The following ARHGAP24 variants were observed in gnomAD, a reference collection of about 807,000 sequenced individuals.
ARHGAP24 encodes the protein Rho GTPase activating protein 24, also known as rho GTPase-activating protein 24.
Under a neutral mutation model 76.4 loss-of-function variants are expected in ARHGAP24, and 50 were observed. The ratio of observed to expected loss-of-function variants is 0.65; its 90% CI spans 0.52 to 0.83. The LOEUF is 0.83. ARHGAP24 is among the 40% of genes least tolerant of loss of function. The pLI is 0.00. For synonymous variants in ARHGAP24, 345 were observed against 323.3 expected, an observed-to-expected ratio of 1.07 and a Z score of -0.72; for missense variants, 930 against 914.2, an observed-to-expected ratio of 1.02 and a Z score of -0.22.
chr4:85,558,235 G>A (rs1726465342), intron 1 of ARHGAP24, among the ~76,000 whole-genome samples: 1 of 152,130 alleles, frequency 6.6e-6, no homozygotes, highest in Non-Finnish European at 1.5e-5. Context: ...CATGGGATGA[G>A]GGAGAGGGGA....
intron 8 of ARHGAP24, among the ~76,000 whole-genome samples, chr4:85,985,425 A>G (rs1578468899): frequency 6.6e-6 from 1 of 152,142 alleles, no homozygotes; most frequent in Non-Finnish European, 1.5e-5. Context: ...GGTGGGTGCT[A>G]AAGGATGAGA....
At chr4:85,660,211 C>G (rs901063041) in intron 2 of ARHGAP24, among the ~76,000 whole-genome samples, 7 of 152,128 alleles carry the variant, frequency 4.6e-5, no homozygotes, top group African/African-American at 1.7e-4. Flanking sequence ...CAGTAAATAC[C>G]TAAGTCCTGC....
At chr4:85,868,505 CTT>C (rs1389174630) in intron 3 of ARHGAP24, among the ~76,000 whole-genome samples, 1 of 152,094 alleles carries the variant, frequency 6.6e-6, no homozygotes, top group Non-Finnish European at 1.5e-5. Flanking sequence ...AGCTGGAACA[CTT>C]TGAGTAATGA....
At chr4:85,689,423 G>GCCAC (rs1723549725) in intron 2 of ARHGAP24, among the ~76,000 whole-genome samples, 1 of 152,070 alleles carries the variant, frequency 6.6e-6, no homozygotes, top group Admixed American at 6.5e-5. Flanking sequence ...GTCTTGCTCT[G>GCCAC]TCACCCAGGC....
At chr4:85,562,104 A>G (rs1455231592) in intron 1 of ARHGAP24, among the ~76,000 whole-genome samples, 1 of 152,226 alleles carries the variant, frequency 6.6e-6, no homozygotes. Flanking sequence ...ATAGGCCGTG[A>G]CAAAGAATTT....
At chr4:85,997,149 T>C (rs970442854) in intron 9 of ARHGAP24, among the ~76,000 whole-genome samples, 2 of 152,130 alleles carry the variant, frequency 1.3e-5, no homozygotes. Flanking sequence ...GCCATGAAAT[T>C]ATAGAAAGTT....
At chr4:85,531,916 A>G (rs1008359259) in intron 1 of ARHGAP24, among the ~76,000 whole-genome samples, 3 of 152,170 alleles carry the variant, frequency 2.0e-5, no homozygotes, top group Non-Finnish European at 4.4e-5. Flanking sequence ...ATTTTTACCT[A>G]TTTATTACCA....
At chr4:85,924,917 T>C (rs995266070) in intron 4 of ARHGAP24, among the ~76,000 whole-genome samples, 1 of 152,240 alleles carries the variant, frequency 6.6e-6, no homozygotes, top group East Asian at 1.9e-4. Flanking sequence ...TTACAACTTT[T>C]GTCCCAGGCT....
chr4:85,929,645 A>C (rs1411766180), intron 4 of ARHGAP24, among the ~76,000 whole-genome samples: 1 of 152,208 alleles, frequency 6.6e-6, no homozygotes, highest in African/African-American at 2.4e-5. Flanking sequence ...TGTGTGTGTA[A>C]ATACACATAC....
At chr4:85,624,751 G>A (rs1268143542) in intron 2 of ARHGAP24, among the ~76,000 whole-genome samples, 3 of 152,086 alleles carry the variant, frequency 2.0e-5, no homozygotes, top group Non-Finnish European at 4.4e-5. Flanking sequence ...CAATTTCAGA[G>A]CCTGTTATTG....
At chr4:85,793,244 A>T in intron 3 of ARHGAP24, among the ~76,000 whole-genome samples, 1 of 152,182 alleles carries the variant, frequency 6.6e-6, no homozygotes, top group East Asian at 1.9e-4. Context: ...TCTAAAATGT[A>T]TATTTCGAAA....
chr4:85,611,617 C>T (rs1205647091), intron 2 of ARHGAP24, among the ~76,000 whole-genome samples: 1 of 152,188 alleles, frequency 6.6e-6, no homozygotes, highest in East Asian at 1.9e-4. Context: ...GACAGTAGTC[C>T]CTGTCCTCAC....
intron 1 of ARHGAP24, among the ~76,000 whole-genome samples, chr4:85,528,220 A>G (rs1357805038): frequency 6.6e-6 from 1 of 152,104 alleles, no homozygotes; most frequent in Non-Finnish European, 1.5e-5. Context: ...ATTGTAGCAG[A>G]CACTGTATTC....
chr4:85,858,407 A>G (rs1265165367), intron 3 of ARHGAP24, among the ~76,000 whole-genome samples: 1 of 152,122 alleles, frequency 6.6e-6, no homozygotes, highest in Non-Finnish European at 1.5e-5. Flanking sequence ...GGAATTTCTC[A>G]CTTTTTCAAT....
At chr4:85,797,133 A>C (rs1257926180) in intron 3 of ARHGAP24, among the ~76,000 whole-genome samples, 2 of 151,158 alleles carry the variant, frequency 1.3e-5, no homozygotes, top group African/African-American at 2.4e-5. Context: ...GCATGGTAGC[A>C]GCTGGGAAAG....
At chr4:85,796,096 T>G (rs963411758) in intron 3 of ARHGAP24, among the ~76,000 whole-genome samples, 5 of 152,054 alleles carry the variant, frequency 3.3e-5, no homozygotes, top group Admixed American at 6.5e-5. Context: ...GTTATCACAG[T>G]TTTTGCCATT....
At position 85,946,679 on chromosome 4, in the gene ARHGAP24, G is replaced by A. The variant is rs150173559; in HGVS notation, c.599+4406G>A. On this transcript the variant is annotated intron_variant, in intron 5 of 9. Transcript: ENST00000395184. Reference sequence around the variant, plus strand: ...CATTATTTCATTCTTTTTGATGGTGGCATAGTATTCCATGGTATATATGTA... The same window carrying A: ...CATTATTTCATTCTTTTTGATGGTGACATAGTATTCCATGGTATATATGTA... Among the ~76,000 whole-genome samples, 84 of 152,256 alleles carry A rather than the reference G, an allele frequency of 5.5e-4. 1 individual carries two copies. Among genetic ancestry groups the A allele is most frequent in the African/African-American group, 2.0e-3 (81 of 41,530 alleles).
rs529198173 is a variant in ARHGAP24 at position 85,493,894 on chromosome 4, CAA to C, written c.-21+18336_-21+18337del. Among the ~76,000 whole-genome samples the C allele has an allele frequency of 6.6e-5, 10 of 152,298 alleles. No homozygotes were observed. The South Asian group carries it at 2.1e-3, about 32-fold the overall frequency. On this transcript the variant is annotated intron_variant, in intron 1 of 9. Transcript: ENST00000395184. ...TACTTCTGTGAAAAATATTTACTAA[CAA>C]GAGTACAATATTTAGCCTTAGAATA...
intron 2 of ARHGAP24, among the ~76,000 whole-genome samples, chr4:85,668,899 G>T (rs1299976059): frequency 6.6e-6 from 1 of 152,138 alleles, no homozygotes; most frequent in Non-Finnish European, 1.5e-5. Context: ...AGTAAAGAAG[G>T]TCAGTTACAA....
Sources: gnomAD v4.1 joint callset for allele counts (sites outside exome capture counted in the v4.1 genomes callset) on GRCh38, gnomAD v4.1.1 for gene constraint, MANE v1.5 for transcripts, NCBI Gene and HGNC (gene_info 2026-07-23, HGNC 2026-07-21) for gene names.